Variants in PDZRN4 observed in about 807,000 individuals in gnomAD.
The protein encoded by PDZRN4 is PDZ domain containing ring finger 4.
PDZRN4 carries 70 observed loss-of-function variants against 99.0 expected under a neutral mutation model. That is an observed-to-expected ratio of 0.71 (90% CI 0.58 to 0.86). The LOEUF (loss-of-function observed/expected upper bound fraction) is 0.86. PDZRN4 is among the 40% of genes least tolerant of loss of function. The probability of loss-of-function intolerance (pLI) is 0.00; values close to 1 mark genes in which losing one functional copy is unlikely to be tolerated. For missense variants in PDZRN4, 1,474 were observed against 1,331.2 expected, an observed-to-expected ratio of 1.11 and a Z score of -1.67; for synonymous variants, 551 against 501.6, an observed-to-expected ratio of 1.10 and a Z score of -1.32.
chr12:41,292,089 G>A (rs1283412647), intron 3 of PDZRN4, among the ~76,000 whole-genome samples: 1 of 152,196 alleles, frequency 6.6e-6, no homozygotes, highest in Non-Finnish European at 1.5e-5. Flanking sequence ...AGCATGAGTA[G>A]CAGGCGTTAG....
chr12:41,376,256 A>G (rs1952079340), intron 3 of PDZRN4, among the ~76,000 whole-genome samples: 2 of 152,104 alleles, frequency 1.3e-5, no homozygotes, highest in Admixed American at 6.5e-5. Flanking sequence ...AGCAAGATTG[A>G]TGGATCATAT....
chr12:41,322,586 G>C (rs577325474), intron 3 of PDZRN4, among the ~76,000 whole-genome samples: 1 of 133,314 alleles, frequency 7.5e-6, no homozygotes, highest in East Asian at 2.5e-4. Flanking sequence ...CGCCTCCCTG[G>C]TTCACGCCAT....
chr12:41,242,013 TCA>T (rs775061507), intron 3 of PDZRN4, among the ~76,000 whole-genome samples: 1 of 152,196 alleles, frequency 6.6e-6, no homozygotes, highest in Non-Finnish European at 1.5e-5. Flanking sequence ...CAGTTGCAGC[TCA>T]CACACAGTGT....
chr12:41,425,655 C>G (rs149127354), intron 3 of PDZRN4, among the ~76,000 whole-genome samples: 22 of 152,296 alleles, frequency 1.4e-4, no homozygotes, highest in African/African-American at 4.8e-4. Flanking sequence ...CACATTCACA[C>G]TTGAGTCAGA....
intron 3 of PDZRN4, among the ~76,000 whole-genome samples, chr12:41,284,842 T>C (rs1396242576): frequency 6.6e-6 from 1 of 152,136 alleles, no homozygotes; most frequent in Non-Finnish European, 1.5e-5. Context: ...GCTTACACCT[T>C]ATACAAAAAT....
chr12:41,299,817 TTAAGA>T (rs1951522013), intron 3 of PDZRN4, among the ~76,000 whole-genome samples: 1 of 152,020 alleles, frequency 6.6e-6, no homozygotes, highest in African/African-American at 2.4e-5. Flanking sequence ...TATTTATATA[TTAAGA>T]TATTACACAA....
At chr12:41,345,199 G>A (rs1951844747) in intron 3 of PDZRN4, among the ~76,000 whole-genome samples, 1 of 152,216 alleles carries the variant, frequency 6.6e-6, no homozygotes, top group Non-Finnish European at 1.5e-5. Context: ...GGGCTGGCCA[G>A]AGAATGTTCT....
chr12:41,325,732 G>GA, intron 3 of PDZRN4, among the ~76,000 whole-genome samples: 1 of 152,060 alleles, frequency 6.6e-6, no homozygotes, highest in East Asian at 1.9e-4. Flanking sequence ...TAGATATGGT[G>GA]AAATTAAAAA....
At chr12:41,568,010 T>C (rs1382065370) in intron 9 of PDZRN4, 111 bp downstream of exon 9, 2 of 636,816 alleles carry the variant, frequency 3.1e-6, no homozygotes, top group Non-Finnish European at 5.5e-6. Flanking sequence ...CCATCATCTC[T>C]ATCATGGTAA....
intron 3 of PDZRN4, among the ~76,000 whole-genome samples, chr12:41,218,640 G>C (rs536296077): frequency 6.6e-6 from 1 of 152,084 alleles, no homozygotes; most frequent in East Asian, 1.9e-4. Context: ...CAAATAATTT[G>C]GTTGTATCTG....
chr12:41,203,222 G>A (rs1174023813), intron 3 of PDZRN4, among the ~76,000 whole-genome samples: 2 of 151,862 alleles, frequency 1.3e-5, no homozygotes, highest in South Asian at 2.1e-4. Context: ...AATTAAACAA[G>A]CAACAACAAA....
chr12:41,364,681 T>C (rs1468380971), intron 3 of PDZRN4, among the ~76,000 whole-genome samples: 3 of 152,094 alleles, frequency 2.0e-5, no homozygotes, highest in Admixed American at 2.0e-4. Context: ...TGTATTTTAT[T>C]TGTGCTCAAG....
chr12:41,362,499 A>G (rs560873839), intron 3 of PDZRN4, among the ~76,000 whole-genome samples: 40 of 152,182 alleles, frequency 2.6e-4, no homozygotes, highest in African/African-American at 8.7e-4. Context: ...TGGAGGCTAT[A>G]TATATATTTT....
intron 3 of PDZRN4, among the ~76,000 whole-genome samples, chr12:41,365,145 T>C (rs1460594547): frequency 6.6e-6 from 1 of 152,116 alleles, no homozygotes; most frequent in Non-Finnish European, 1.5e-5. Context: ...CAGGTTTTTC[T>C]GTTCTCTTAG....
intron 3 of PDZRN4, among the ~76,000 whole-genome samples, chr12:41,292,392 G>GA (rs1401916380): frequency 2.0e-5 from 3 of 152,128 alleles, no homozygotes; most frequent in East Asian, 1.9e-4. Flanking sequence ...CAGACCAAGA[G>GA]AAAAAATGGC....
chr12:41,214,430 T>TAAA lies in PDZRN4; in HGVS notation c.843+20260_843+20262dup, dbSNP rs536246838. Among the ~76,000 whole-genome samples the TAAA allele has an allele frequency of 2.0e-3, 68 of 34,084 alleles. 11 individuals are homozygous for TAAA. The highest frequency in any genetic ancestry group is 4.7e-3 in the Admixed American group (10 of 2,108). 22.4% of individuals were successfully genotyped at this position (34,084 alleles called of 152,430 possible). A position where few individuals can be genotyped will look rare whatever the true frequency, so the allele number is the denominator to read the frequency against. On this transcript the variant is annotated intron_variant, in intron 3 of 9. Transcript: ENST00000402685. The stretch of plus-strand genomic sequence containing the variant: ...GGCAATAGAAGGAGACCCTGTCCCC[T>TAAA]AAAAAAAAAAAAAAAAAAAAGTTAT...
intron 3 of PDZRN4, among the ~76,000 whole-genome samples, chr12:41,499,453 G>A (rs1272225068): frequency 6.6e-6 from 1 of 151,942 alleles, no homozygotes; most frequent in Non-Finnish European, 1.5e-5. Context: ...ACCATAACAC[G>A]TTTCTTAATT....
intron 3 of PDZRN4, among the ~76,000 whole-genome samples, chr12:41,442,798 C>G (rs2120473368): frequency 6.6e-6 from 1 of 151,970 alleles, no homozygotes; most frequent in East Asian, 2.0e-4. Flanking sequence ...TCCACCATAT[C>G]TATGAGGATC....
Position 41,552,658 on chromosome 12 carries a change from G to A in PDZRN4, c.1206G>A (p.Glu402=). 5 of 1,612,436 alleles carry A rather than the reference G, an allele frequency of 3.1e-6. No homozygotes were observed. The highest frequency in any genetic ancestry group is 4.2e-6 in the Non-Finnish European group (5 of 1,178,552). ...ADRTEDFEYE[E]VELCRVSSQE... is the part of the protein sequence containing the mutation. ...ATCTGTGTGTGTTGTTCTTTCAGGA[G>A]GTCGAGTTGTGTCGTGTTAGCAGTC... Residue 402 remains glutamate, a splice_region_variant and synonymous_variant, in exon 6 of 10, where the codon GAG becomes GAA. Coordinates refer to ENST00000402685, the MANE Select transcript of PDZRN4 (RefSeq NM_001164595.2).
Sources: gnomAD v4.1 joint callset for allele counts (sites outside exome capture counted in the v4.1 genomes callset) on GRCh38, gnomAD v4.1.1 for gene constraint, MANE v1.5 for transcripts, NCBI Gene and HGNC (gene_info 2026-07-23, HGNC 2026-07-21) for gene names.